EGFLAM: variants seen among roughly 807,000 people sequenced by gnomAD.
EGFLAM encodes pikachurin.
EGFLAM carries 79 observed loss-of-function variants against 113.1 expected under a neutral mutation model. That is an observed-to-expected ratio of 0.70 (90% CI 0.58 to 0.84). The LOEUF (loss-of-function observed/expected upper bound fraction) is 0.84. Among genes scored for constraint, EGFLAM ranks in the 40% least tolerant of loss-of-function variants. The pLI, the probability that EGFLAM is intolerant of heterozygous loss-of-function variation, is 0.00. For synonymous variants in EGFLAM, 504 were observed against 487.6 expected (o/e 1.03, Z -0.44); for missense variants, 1,265 against 1,291.6 (o/e 0.98, Z 0.32).
intron 1 of EGFLAM, among the ~76,000 whole-genome samples, chr5:38,291,956 G>A (rs1041507818): frequency 4.6e-5 from 7 of 152,098 alleles, no homozygotes; most frequent in African/African-American, 1.4e-4. Flanking sequence ...ACAATCAATG[G>A]CCCCAGCCTC....
At chr5:38,337,458 G>T in intron 1 of EGFLAM, 62 bp from the exon 2 acceptor site, 1 of 1,422,256 alleles carries the variant, frequency 7.0e-7, no homozygotes, top group Non-Finnish European at 9.6e-7. Flanking sequence ...TAAATCTTGT[G>T]TAAGTATACT....
At chr5:38,384,513 A>G (rs953677877) in intron 6 of EGFLAM, among the ~76,000 whole-genome samples, 2 of 152,272 alleles carry the variant, frequency 1.3e-5, no homozygotes, top group East Asian at 3.9e-4. Context: ...CTATTTCCTT[A>G]TATAAGCCAG....
intron 6 of EGFLAM, among the ~76,000 whole-genome samples, chr5:38,390,647 C>T (rs1226435098): frequency 6.6e-6 from 1 of 152,146 alleles, no homozygotes; most frequent in Admixed American, 6.5e-5. Flanking sequence ...ACATCCTTGT[C>T]AACACTTGGT....
At position 38,409,042 on chromosome 5, in the gene EGFLAM, G is replaced by T. The variant is rs1741385050; in HGVS notation, c.1287G>T (p.Glu429Asp). 6.3e-7 allele frequency: 1 copy of T among 1,595,408 alleles called. No homozygotes were observed. The highest frequency in any genetic ancestry group is 1.1e-5 in the South Asian group (1 of 87,850). The change falls in exon 10 of 22, where the codon GAG (glutamate) becomes GAT (aspartate). Residue 429 changes from glutamate (E) to aspartate (D), a missense_variant. Physicochemically the swap from Glu to Asp is conservative, Grantham distance 45. Coordinates refer to ENST00000322350, the MANE Select transcript of EGFLAM (RefSeq NM_152403.4). ...ATGGCTTACTGCTCTACTGTGGGGA[G>T]AACGAACACGGGAGGGGGGATTTCA... is the stretch of plus-strand genomic sequence containing the variant. ...AEDGLLLYCG[E>D]NEHGRGDFMS...
At chr5:38,394,754 T>C (rs1024163988) in intron 6 of EGFLAM, among the ~76,000 whole-genome samples, 1 of 150,070 alleles carries the variant, frequency 6.7e-6, no homozygotes, top group African/African-American at 2.5e-5. Context: ...TGTTTAGATT[T>C]ATTTACAGAT....
At chr5:38,398,255 G>T (rs1741013700) in intron 6 of EGFLAM, among the ~76,000 whole-genome samples, 1 of 152,176 alleles carries the variant, frequency 6.6e-6, no homozygotes, top group South Asian at 2.1e-4. Context: ...TACTCCAAAA[G>T]TTCACTGTTT....
chr5:38,410,443 C>T (rs920140401), intron 10 of EGFLAM, among the ~76,000 whole-genome samples: 1 of 152,154 alleles, frequency 6.6e-6, no homozygotes, highest in Non-Finnish European at 1.5e-5. Context: ...TCAGGGTAAG[C>T]CTGTTTTGCA....
intron 1 of EGFLAM, among the ~76,000 whole-genome samples, chr5:38,312,967 A>G (rs1422970197): frequency 1.3e-5 from 2 of 152,136 alleles, no homozygotes; most frequent in African/African-American, 4.8e-5. Flanking sequence ...GTGCACCTGT[A>G]ATCCCAGCTA....
At chr5:38,391,408 G>T (rs1427846595) in intron 6 of EGFLAM, among the ~76,000 whole-genome samples, 2 of 151,458 alleles carry the variant, frequency 1.3e-5, no homozygotes, top group Non-Finnish European at 2.9e-5. Context: ...GTGTGTGTGT[G>T]TGTGTGTGTG....
At position 38,258,789 on chromosome 5, in the gene EGFLAM, T is replaced by C. The variant is rs1757417879; in HGVS notation, c.35T>C (p.Leu12Pro). The C allele has an allele frequency of 1.2e-6, 2 of 1,612,342 alleles. No individual in the cohort carries two copies. Among genetic ancestry groups the C allele is most frequent in the East Asian group, 2.2e-5 (1 of 44,844 alleles). The stretch of plus-strand genomic sequence containing the variant: ...ATCCGAGGCGTCTTGCTCCGGCTCC[T>C]GCTCCTGGCTTCCAGCCTCGGACCC... ...DLIRGVLLRLLLLASSLGPGA... is the reference protein window; with the variant it reads ...DLIRGVLLRLPLLASSLGPGA... The change falls in exon 1 of 22, where the codon CTG becomes CCG. Residue 12 changes from leucine to proline, a missense_variant. Leu to Pro is a moderately conservative substitution (Grantham distance 98, BLOSUM62 -3). Transcript: ENST00000322350.
chr5:38,408,933 T>C, intron 9 of EGFLAM, 71 bp from the exon 10 acceptor site: 3 of 1,290,666 alleles, frequency 2.3e-6, no homozygotes, highest in Non-Finnish European at 3.3e-6. Context: ...CACATTTGTG[T>C]CTTTCCAGGT....
At chr5:38,330,994 C>T (rs984092994) in intron 1 of EGFLAM, among the ~76,000 whole-genome samples, 6 of 151,828 alleles carry the variant, frequency 4.0e-5, no homozygotes, top group African/African-American at 1.5e-4. Flanking sequence ...AACTAAAACC[C>T]GATTAAATAT....
intron 1 of EGFLAM, among the ~76,000 whole-genome samples, chr5:38,304,906 T>C (rs1008295664): frequency 1.1e-4 from 16 of 151,752 alleles, no homozygotes; most frequent in African/African-American, 3.9e-4. Context: ...TAAAAGTAAA[T>C]GAATAATAAC....
intron 1 of EGFLAM, among the ~76,000 whole-genome samples, chr5:38,273,851 CA>C (rs1447496907): frequency 6.6e-6 from 1 of 152,040 alleles, no homozygotes; most frequent in East Asian, 1.9e-4. Flanking sequence ...ATCAGATGAA[CA>C]AAATAAGGTG....
intron 6 of EGFLAM, among the ~76,000 whole-genome samples, chr5:38,396,526 A>G (rs1350031480): frequency 2.6e-5 from 4 of 152,220 alleles, no homozygotes; most frequent in Non-Finnish European, 4.4e-5. Flanking sequence ...TCACTCACTC[A>G]TTTACTCACT....
chr5:38,259,015 TC>T (rs11290123), intron 1 of EGFLAM, among the ~76,000 whole-genome samples, 164 bp downstream of exon 1: 41,390 of 152,046 alleles, frequency 0.27, 6,370 homozygotes, highest in Non-Finnish European at 0.35. Context: ...AACCTCGCCC[TC>T]CCCCGAGCCC....
At chr5:38,311,753 A>G (rs1229120081) in intron 1 of EGFLAM, among the ~76,000 whole-genome samples, 1 of 152,200 alleles carries the variant, frequency 6.6e-6, no homozygotes, top group Admixed American at 6.5e-5. Flanking sequence ...GAAGTTGGCA[A>G]TCCTAGAGTT....
intron 1 of EGFLAM, among the ~76,000 whole-genome samples, chr5:38,331,803 C>T (rs1306683159): frequency 1.3e-5 from 2 of 152,074 alleles, no homozygotes; most frequent in Non-Finnish European, 2.9e-5. Flanking sequence ...TCTGGAAGTA[C>T]CACAATTTAT....
intron 9 of EGFLAM, 31 bp from the exon 10 acceptor site, chr5:38,408,973 G>T: frequency 6.5e-7 from 1 of 1,547,446 alleles, no homozygotes; most frequent in Non-Finnish European, 8.8e-7. Context: ...GGTGCTTACT[G>T]TTCATGTGGC....
Sources: gnomAD v4.1 joint callset for allele counts (sites outside exome capture counted in the v4.1 genomes callset) on GRCh38, gnomAD v4.1.1 for gene constraint, MANE v1.5 for transcripts, NCBI Gene and HGNC (gene_info 2026-07-23, HGNC 2026-07-21) for gene names.